DNAH12: variants seen among roughly 807,000 people sequenced by gnomAD.
The protein encoded by DNAH12 is dynein axonemal heavy chain 12, also known as axonemal beta dynein heavy chain 12.
In DNAH12, 285 loss-of-function variants were observed where a neutral mutation model predicts 371.5. The ratio of observed to expected loss-of-function variants is 0.77; its 90% confidence interval spans 0.70 to 0.85. The LOEUF (loss-of-function observed/expected upper bound fraction) is 0.85. Among genes scored for constraint, DNAH12 ranks in the 40% least tolerant of loss-of-function variants. DNAH12 has a pLI of 0.00. For missense variants in DNAH12, 3,611 were observed against 3,689.4 expected (o/e 0.98, Z 0.55); for synonymous variants, 1,200 against 1,213.0 (o/e 0.99, Z 0.22).
At chr3:57,393,386 G>A (rs891024417) in intron 44 of DNAH12, among the ~76,000 whole-genome samples, 1 of 152,052 alleles carries the variant, frequency 6.6e-6, no homozygotes, top group African/African-American at 2.4e-5. Flanking sequence ...CCAGCACTTT[G>A]GGGGGCCGAG....
chr3:57,383,063 G>C (rs2063428617), intron 49 of DNAH12, among the ~76,000 whole-genome samples: 1 of 152,214 alleles, frequency 6.6e-6, no homozygotes, highest in Admixed American at 6.5e-5. Context: ...ATAGATTACA[G>C]TGGAGGTTAC....
chr3:57,402,205 G>A lies in DNAH12; in HGVS notation c.6948+1104C>T, dbSNP rs72879604. Reference sequence around the variant, plus strand: ...TATGAGCTTGGATTCTACCATTTCCGCCTAGAAGTAGCAAAGAAAAATCCA... The same window carrying A: ...TATGAGCTTGGATTCTACCATTTCCACCTAGAAGTAGCAAAGAAAAATCCA... On this transcript the variant is annotated intron_variant, in intron 43 of 73. Coordinates refer to ENST00000495027, the MANE Select transcript of DNAH12 (RefSeq NM_001366028.2). Among the ~76,000 whole-genome samples the A allele has an allele frequency of 8.2e-3, 1,243 of 152,174 alleles. 13 individuals are homozygous for A. The highest frequency in any genetic ancestry group is 0.028 in the African/African-American group (1,155 of 41,514).
Position 57,419,472 on chromosome 3 carries a change from T to G in DNAH12, c.5609A>C (p.Asn1870Thr). The stretch of plus-strand genomic sequence containing the variant: ...GATTTGTTTATCTCCTAAATTAGTA[T>G]TTTTAATTAATTCATTCCAATGGAC... The part of the protein sequence containing the change: ...RWVHWNELIK[N>T]TNLGDKQIKI... The change falls in exon 37 of 74, where the codon AAT (asparagine) becomes ACT (threonine). Residue 1870 changes from asparagine (N) to threonine (T), a missense_variant. Physicochemically the swap from Asn to Thr is moderately conservative, Grantham distance 65 (BLOSUM62 0). Around this residue, in one of 3 missense-constraint regions of DNAH12, gnomAD observed 2,266 missense variants for 2,236.9 expected, o/e 1.01. Coordinates refer to ENST00000495027, the MANE Select transcript of DNAH12 (RefSeq NM_001366028.2). 6.7e-7 allele frequency: 1 copy of G among 1,488,238 alleles called. No homozygotes were observed. Among genetic ancestry groups the G allele is most frequent in the Non-Finnish European group, 8.9e-7 (1 of 1,121,116 alleles). The allele number at this position is 1,488,238 out of a possible 1,614,324, so 92.2% of individuals were successfully genotyped here. A position where few individuals can be genotyped will look rare whatever the true frequency, so the allele number is the denominator to read the frequency against.
At chr3:57,333,507 T>C (rs2062155724) in intron 62 of DNAH12, among the ~76,000 whole-genome samples, 1 of 151,948 alleles carries the variant, frequency 6.6e-6, no homozygotes, top group Non-Finnish European at 1.5e-5. Flanking sequence ...ATTTTTGTAT[T>C]TTTAGTAGTG....
Position 57,405,924 on chromosome 3 carries a change from A to G in DNAH12, c.6305T>C (p.Leu2102Ser). 1.3e-6 allele frequency: 2 copies of G among 1,546,304 alleles called. No homozygotes were observed. Among genetic ancestry groups the G allele is most frequent in the Non-Finnish European group, 1.8e-6 (2 of 1,142,210 alleles). ...EIYKQSVENL[L>S]PTPTKSHYTF... ...ATAATGGGATTTTGTGGGAGTGGGTAAAAGATTTTCCACAGATTGTTTATA... is the reference window on the plus strand; with the variant it reads ...ATAATGGGATTTTGTGGGAGTGGGTGAAAGATTTTCCACAGATTGTTTATA... The change falls in exon 41 of 74, where the codon TTA (leucine) becomes TCA (serine). Residue 2102 changes from leucine (L) to serine (S), a missense_variant. Around this residue, in one of 3 missense-constraint regions of DNAH12, gnomAD observed 2,266 missense variants for 2,236.9 expected, o/e 1.01. Coordinates refer to ENST00000495027, the MANE Select transcript of DNAH12 (RefSeq NM_001366028.2).
At chr3:57,448,330 G>A (rs1439969967) in intron 25 of DNAH12, among the ~76,000 whole-genome samples, 1 of 152,010 alleles carries the variant, frequency 6.6e-6, no homozygotes, top group African/African-American at 2.4e-5. Flanking sequence ...CAGCTCTTAA[G>A]GCAGCACGTC....
intron 2 of DNAH12, chr3:57,536,381 A>AT (rs1278862474): frequency 6.6e-6 from 1 of 152,172 alleles, no homozygotes; most frequent in Non-Finnish European, 1.5e-5. Context: ...TTAAAGTGTG[A>AT]TCCCAGAATT....
chr3:57,455,345 C>T (rs1575625674), intron 22 of DNAH12, among the ~76,000 whole-genome samples: 1 of 151,834 alleles, frequency 6.6e-6, no homozygotes, highest in Middle Eastern at 3.4e-3. Flanking sequence ...CAATGGATCA[C>T]CTGAGGTCAG....
intron 62 of DNAH12, among the ~76,000 whole-genome samples, chr3:57,328,653 G>A (rs1159248509): frequency 6.8e-6 from 1 of 146,476 alleles, no homozygotes; most frequent in African/African-American, 2.5e-5. Context: ...ACTGGCACAA[G>A]ACAGGGATGC....
chr3:57,489,164 G>A (rs754669768), intron 12 of DNAH12, among the ~76,000 whole-genome samples: 28 of 152,096 alleles, frequency 1.8e-4, no homozygotes, highest in Non-Finnish European at 3.1e-4. Flanking sequence ...AAATAAGCTC[G>A]GTGATACAAT....
At position 57,303,561 on chromosome 3, in the gene DNAH12, G is replaced by A. The variant is rs569167767; in HGVS notation, c.11190-1622C>T. Among the ~76,000 whole-genome samples the A allele has an allele frequency of 2.6e-3, 398 of 151,768 alleles. 1 individual carries two copies. The highest frequency in any genetic ancestry group is 4.2e-3 in the Non-Finnish European group (283 of 67,898). The stretch of plus-strand genomic sequence containing the variant: ...CAAGTAGCTGAGACTACAGGTGCCC[G>A]CTACCACGCCTGGATAATTTTTAAA... On this transcript the variant is annotated intron_variant, in intron 69 of 73. Coordinates refer to ENST00000495027, the MANE Select transcript of DNAH12 (RefSeq NM_001366028.2).
chr3:57,433,109 C>G (rs1057373635), intron 32 of DNAH12, among the ~76,000 whole-genome samples: 1 of 150,928 alleles, frequency 6.6e-6, no homozygotes, highest in East Asian at 1.9e-4. Flanking sequence ...ACAACTTATT[C>G]TCACCCTAGA....
chr3:57,413,998 A>C (rs2064287819), intron 38 of DNAH12, 86 bp from the exon 39 acceptor site: 1 of 1,351,628 alleles, frequency 7.4e-7, no homozygotes, highest in Non-Finnish European at 9.9e-7. Flanking sequence ...TCAACAAGTA[A>C]AACAACCCAT....
rs9841445 is a variant in DNAH12 at position 57,468,878 on chromosome 3, G to A, written c.2207C>T (p.Thr736Met). The A allele has an allele frequency of 1.7e-5, 26 of 1,519,212 alleles. No homozygotes were observed. Among genetic ancestry groups the A allele is most frequent in the African/African-American group, 1.6e-4 (11 of 70,406 alleles). The allele number at this position is 1,519,212 out of a possible 1,614,324, so 94.1% of individuals were successfully genotyped here. The change falls in exon 17 of 74, where the codon ACG becomes ATG. Residue 736 changes from threonine to methionine, a missense_variant. Around this residue, in one of 3 missense-constraint regions of DNAH12, gnomAD observed 1,314 missense variants for 1,398.7 expected, o/e 0.94. Transcript: ENST00000495027. ...TTCTTGTAATTCTTTCTTTAGCTTC[G>A]TTTGGAAAAATTTTAGTGTCTTAAA... ...EIFKTLKFFQ[T>M]KLKKELQEKR...
At position 57,305,482 on chromosome 3, in the gene DNAH12, T is replaced by A. The variant is rs543190309; in HGVS notation, c.11190-3543A>T. On this transcript the variant is annotated intron_variant, in intron 69 of 73. Coordinates refer to ENST00000495027, the MANE Select transcript of DNAH12 (RefSeq NM_001366028.2). ...TTCATTCCGCGACTAGCCCTCCCCC[T>A]CCTGCCCAGCAATTTACTCTTAAAA... 1.1e-3 allele frequency among the ~76,000 whole-genome samples: 166 copies of A among 152,118 alleles called. 1 individual carries two copies. Among genetic ancestry groups the A allele is most frequent in the African/African-American group, 3.6e-3 (151 of 41,484 alleles).
At chr3:57,433,552 A>T in intron 31 of DNAH12, 45 bp from the exon 32 acceptor site, 1 of 1,541,458 alleles carries the variant, frequency 6.5e-7, no homozygotes, top group East Asian at 2.4e-5. Flanking sequence ...TCATAAAATT[A>T]GATTTAGGAG....
intron 13 of DNAH12, among the ~76,000 whole-genome samples, chr3:57,473,952 T>C (rs981868603): frequency 1.3e-5 from 2 of 152,174 alleles, no homozygotes; most frequent in Non-Finnish European, 2.9e-5. Flanking sequence ...AAAAACGTAG[T>C]AGCACATCAG....
Position 57,470,643 on chromosome 3 carries a change from G to A in DNAH12, c.1912-7C>T. The A allele has an allele frequency of 6.6e-7, 1 of 1,518,214 alleles. No homozygotes were observed. Among genetic ancestry groups the A allele is most frequent in the Non-Finnish European group, 8.8e-7 (1 of 1,138,794 alleles). 94.0% of individuals were successfully genotyped at this position (1,518,214 alleles called of 1,614,324 possible). ...GTCTTACATCTGTCACATACTGAAA[G>A]TAAATAAGTTTTTTGTCTTAAAAAA... On this transcript the variant is annotated splice_region_variant and splice_polypyrimidine_tract_variant and intron_variant, in intron 15 of 73. Coordinates refer to ENST00000495027, the MANE Select transcript of DNAH12 (RefSeq NM_001366028.2).
At position 57,452,890 on chromosome 3, in the gene DNAH12, G is replaced by A. The variant is rs1289823107; in HGVS notation, c.3739C>T (p.Pro1247Ser). Residue 1247 changes from proline (P) to serine (S), a missense_variant, in exon 25 of 74, where the codon CCT (proline) becomes TCT (serine). By Grantham distance (74) the Pro-to-Ser change is moderately conservative. Coordinates refer to ENST00000495027, the MANE Select transcript of DNAH12 (RefSeq NM_001366028.2). Reference sequence around the variant, plus strand: ...GTTAGAGGCGTAATGACAAGTCGAGGTGAGTTACCAAGATATTCATAAGCA... The same window carrying A: ...GTTAGAGGCGTAATGACAAGTCGAGATGAGTTACCAAGATATTCATAAGCA... The part of the protein sequence containing the change: ...KYAYEYLGNS[P>S]RLVITPLTDR... 3 of 1,551,016 alleles carry A rather than the reference G, an allele frequency of 1.9e-6. No homozygotes were observed. Among genetic ancestry groups the A allele is most frequent in the Non-Finnish European group, 2.6e-6 (3 of 1,146,848 alleles).
Sources: gnomAD v4.1 joint callset for allele counts (sites outside exome capture counted in the v4.1 genomes callset) on GRCh38, gnomAD v4.1.1 for gene constraint, gnomAD v4.1.1 regional missense constraint, MANE v1.5 for transcripts, NCBI Gene and HGNC (gene_info 2026-07-23, HGNC 2026-07-21) for gene names.